The following KALRN variants were observed in gnomAD, a reference collection of about 807,000 sequenced individuals.
KALRN encodes the protein kalirin.
Under a neutral mutation model 353.7 loss-of-function variants are expected in KALRN, and 70 were observed. That is an observed-to-expected ratio of 0.20 (90% confidence interval 0.16 to 0.24). The LOEUF (loss-of-function observed/expected upper bound fraction) is 0.24, where lower values mean the gene tolerates loss of function less well. Among genes scored for constraint, KALRN ranks in the 10% least tolerant of loss-of-function variants. The pLI is 1.00. For missense variants in KALRN, 2,791 were observed against 3,756.7 expected, an observed-to-expected ratio of 0.74 and a Z score of 6.72; for synonymous variants, 1,391 against 1,434.8, an observed-to-expected ratio of 0.97 and a Z score of 0.69.
At chr3:124,368,278 G>C (rs1290849235) in intron 10 of KALRN, among the ~76,000 whole-genome samples, 1 of 145,028 alleles carries the variant, frequency 6.9e-6, no homozygotes, top group African/African-American at 2.7e-5. Context: ...GGCGGCTGCC[G>C]GGCGGAGACG....
intron 27 of KALRN, among the ~76,000 whole-genome samples, chr3:124,482,393 TAGATG>T (rs1411386083): frequency 6.6e-6 from 1 of 152,212 alleles, no homozygotes; most frequent in African/African-American, 2.4e-5. Context: ...GCCATCAGAA[TAGATG>T]TCAGAGCCTC....
rs143787586 is a variant in KALRN, at chr3:124,068,267, A to G, written c.73+34454A>G. Among the ~76,000 whole-genome samples the G allele has an allele frequency of 4.0e-3, 614 of 152,300 alleles. 3 individuals are homozygous for G. The highest frequency in any genetic ancestry group is 0.014 in the African/African-American group (593 of 41,554). On this transcript the variant is annotated intron_variant, in intron 1 of 59. Coordinates refer to ENST00000682506, the MANE Select transcript of KALRN (RefSeq NM_001388419.1). ...CCCACCTCCATCTGTGGAACTCAGT[A>G]TACTTGTCTGGGCCCTTGTCAGCCT...
chr3:124,374,893 G>A (rs2149828079), intron 10 of KALRN, among the ~76,000 whole-genome samples: 1 of 152,270 alleles, frequency 6.6e-6, no homozygotes, highest in East Asian at 1.9e-4. Context: ...CTGTTCCATG[G>A]GGATGCTGTC....
intron 59 of KALRN, among the ~76,000 whole-genome samples, chr3:124,717,714 C>A (rs369638801): frequency 6.6e-6 from 1 of 152,156 alleles, no homozygotes; most frequent in South Asian, 2.1e-4. Context: ...AAGTGGCAAC[C>A]TTGCAGGGAA....
In KALRN at chr3:124,562,843, C is replaced by G. The variant is rs186739814; in HGVS notation, c.4936C>G (p.Leu1646Val). The change falls in exon 34 of 60, where the codon CTC becomes GTC. Residue 1646 changes from leucine (L) to valine (V), a missense_variant and splice_region_variant. Leu to Val is a conservative substitution (Grantham distance 32). Around this residue, in one of 11 missense-constraint regions of KALRN, gnomAD observed 239 missense variants for 351.3 expected, o/e 0.68. Transcript: ENST00000682506. ...CTCCCTCCACCACCACCCTCCAAAG[C>G]TCTCTGGTGGATGTGAGCTGACAGT... ...TSQNTVDSDKLSGGCELTVVL... is the reference protein window; with the variant it reads ...TSQNTVDSDKVSGGCELTVVL... 7.3e-7 allele frequency: 1 copy of G among 1,361,794 alleles called. No homozygotes were observed. The highest frequency in any genetic ancestry group is 9.8e-7 in the Non-Finnish European group (1 of 1,019,256). The allele number at this position is 1,361,794 out of a possible 1,614,324, so 84.4% of individuals were successfully genotyped here.
chr3:124,066,099 A>G (rs2042338760), intron 1 of KALRN, among the ~76,000 whole-genome samples: 1 of 152,186 alleles, frequency 6.6e-6, no homozygotes, highest in African/African-American at 2.4e-5. Context: ...GTCATCTCCC[A>G]GAAGAGATAT....
intron 1 of KALRN, among the ~76,000 whole-genome samples, chr3:124,063,200 G>A (rs1161790156): frequency 6.6e-6 from 1 of 152,250 alleles, no homozygotes; most frequent in African/African-American, 2.4e-5. Flanking sequence ...CTATATGCCA[G>A]TCAGTCTGTC....
At chr3:124,664,773 T>G (rs563440754) in intron 45 of KALRN, among the ~76,000 whole-genome samples, 10 of 152,268 alleles carry the variant, frequency 6.6e-5, no homozygotes, top group African/African-American at 2.4e-4. Context: ...AGAACCTGCT[T>G]TTTGCATTCC....
At chr3:124,531,483 A>G (rs2068037763) in intron 33 of KALRN, among the ~76,000 whole-genome samples, 1 of 152,204 alleles carries the variant, frequency 6.6e-6, no homozygotes, top group African/African-American at 2.4e-5. Context: ...TCACATTGCT[A>G]TAAAGAAATA....
At chr3:124,706,177 G>A (rs1407479317) in intron 57 of KALRN, among the ~76,000 whole-genome samples, 2 of 152,212 alleles carry the variant, frequency 1.3e-5, no homozygotes, top group Non-Finnish European at 2.9e-5. Flanking sequence ...AAAGTGCTGG[G>A]ATTGCAGGCA....
intron 32 of KALRN, among the ~76,000 whole-genome samples, chr3:124,495,924 CT>C (rs919312375): frequency 7.8e-6 from 1 of 127,456 alleles, no homozygotes; most frequent in Non-Finnish European, 1.6e-5. Flanking sequence ...TTCCTACTGC[CT>C]CTTACAGACC....
intron 1 of KALRN, among the ~76,000 whole-genome samples, chr3:124,128,907 A>C (rs999640816): frequency 6.6e-6 from 1 of 152,000 alleles, no homozygotes; most frequent in Non-Finnish European, 1.5e-5. Context: ...CCTCTGTGTT[A>C]GCTGCCCTGT....
chr3:124,241,445 A>T (rs1422614835), intron 3 of KALRN, among the ~76,000 whole-genome samples: 1 of 152,200 alleles, frequency 6.6e-6, no homozygotes, highest in African/African-American at 2.4e-5. Context: ...TGCAGTGCTA[A>T]AGTGTCTCTT....
chr3:124,231,916 A>T (rs1465171386), intron 2 of KALRN, among the ~76,000 whole-genome samples: 1 of 152,150 alleles, frequency 6.6e-6, no homozygotes, highest in Non-Finnish European at 1.5e-5. Context: ...CTATAGCTTC[A>T]TTGCTACTCA....
Position 124,496,386 on chromosome 3 carries a change from C to T in KALRN, c.4908C>T (p.Thr1636=), listed in dbSNP as rs2063851625. The T allele has an allele frequency of 1.2e-6, 2 of 1,613,526 alleles. No homozygotes were observed. The highest frequency in any genetic ancestry group is 8.5e-7 in the Non-Finnish European group (1 of 1,179,652). The part of the protein sequence containing the change: ...QPDTISIASR[T]SQNTVDSDKL... ...ACACCATCTCCATTGCTTCTAGGAC[C>T]TCTCAGAACACAGTGGACAGTGACA... Residue 1636 remains threonine (T), a synonymous_variant, in exon 33 of 60, where the codon ACC becomes ACT. Transcript: ENST00000682506.
At chr3:124,371,024 A>G (rs554794717) in intron 10 of KALRN, among the ~76,000 whole-genome samples, 1 of 152,242 alleles carries the variant, frequency 6.6e-6, no homozygotes, top group African/African-American at 2.4e-5. Flanking sequence ...AACTTTTTAT[A>G]AAGCATAAAT....
intron 33 of KALRN, chr3:124,562,605 TTGA>T: frequency 3.2e-6 from 1 of 309,818 alleles, no homozygotes; most frequent in Non-Finnish European, 6.3e-6. Context: ...GCCTGAGTGA[TTGA>T]ATAGCACTGT....
chr3:124,155,154 C>G (rs2068789063), intron 1 of KALRN, among the ~76,000 whole-genome samples: 1 of 152,138 alleles, frequency 6.6e-6, no homozygotes, highest in South Asian at 2.1e-4. Flanking sequence ...ACCATAAAAA[C>G]CCTAGAAGAA....
In KALRN at chr3:124,338,144, TC is replaced by T. The variant is rs1265144150; in HGVS notation, c.1647+3650del. Among the ~76,000 whole-genome samples the T allele has an allele frequency of 6.6e-5, 10 of 152,190 alleles. 1 individual carries two copies. Among genetic ancestry groups the T allele is most frequent in the African/African-American group, 2.4e-4 (10 of 41,542 alleles). ...TCATGTCTCAATCCCCTTCAGTTCT[TC>T]TCTGATCTTAGTTATTTCTTGTCTT... On this transcript the variant is annotated intron_variant, in intron 9 of 59. Transcript: ENST00000682506.
Sources: allele counts gnomAD v4.1 joint callset (sites outside exome capture counted in the v4.1 genomes callset), GRCh38; gene constraint gnomAD v4.1.1; regional missense constraint gnomAD v4.1.1; transcripts MANE v1.5; gene names NCBI Gene and HGNC (gene_info 2026-07-23, HGNC 2026-07-21).